The following PIK3C2G variants were observed in gnomAD, a reference collection of about 807,000 sequenced individuals.
PIK3C2G encodes phosphatidylinositol-4-phosphate 3-kinase catalytic subunit type 2 gamma.
PIK3C2G carries 168 observed loss-of-function variants against 181.1 expected under a neutral mutation model. The ratio of observed to expected loss-of-function variants is 0.93; its 90% CI spans 0.82 to 1.05. PIK3C2G has a LOEUF of 1.05. Ranked by LOEUF, PIK3C2G falls within the 50% of genes least tolerant of loss-of-function variation. The pLI is 0.00. For synonymous variants in PIK3C2G, 573 were observed against 592.2 expected (o/e 0.97, Z 0.47); for missense variants, 1,869 against 1,732.8 (o/e 1.08, Z -1.40).
the PIK3C2G span, among the ~76,000 whole-genome samples, chr12:18,681,132 A>G: frequency 6.6e-6 from 1 of 152,120 alleles, no homozygotes; most frequent in South Asian, 2.1e-4. Context: ...TTTATTGTTC[A>G]ACAAGGAAAC....
At chr12:18,395,783 T>A (rs1454336218) in intron 15 of PIK3C2G, among the ~76,000 whole-genome samples, 1 of 151,400 alleles carries the variant, frequency 6.6e-6, no homozygotes, top group Non-Finnish European at 1.5e-5. Context: ...TATGTAAGGA[T>A]GCATAATGTT....
chr12:18,264,893 T>A (rs947671278), intron 1 of PIK3C2G, among the ~76,000 whole-genome samples: 3 of 152,202 alleles, frequency 2.0e-5, no homozygotes, highest in Non-Finnish European at 4.4e-5. Context: ...TTCTCCTCTG[T>A]CTTACCAGAC....
intron 24 of PIK3C2G, among the ~76,000 whole-genome samples, chr12:18,528,657 T>TCTA (rs1473987709): frequency 6.6e-6 from 1 of 152,194 alleles, no homozygotes; most frequent in Admixed American, 6.5e-5. Context: ...GCAGACTAAT[T>TCTA]CTACTATCAC....
rs933182054 is a variant in PIK3C2G, at chr12:18,342,969, A to G, written c.1396-358A>G. 2.0e-5 allele frequency among the ~76,000 whole-genome samples: 3 copies of G among 152,220 alleles called. No individual in the cohort carries two copies. The East Asian group carries it at 5.8e-4, about 29-fold the overall frequency. On this transcript the variant is annotated intron_variant, in intron 9 of 32. Coordinates refer to ENST00000538779, the MANE Select transcript of PIK3C2G (RefSeq NM_001288772.2). ...TTTGGTGCTGTCCAAAGCTTGCTGA[A>G]TAACTGCTAGGAATAAGAGCTGGAC...
At chr12:18,710,195 T>C in the PIK3C2G span, among the ~76,000 whole-genome samples, 14 of 148,788 alleles carry the variant, frequency 9.4e-5, no homozygotes, top group Admixed American at 2.1e-4. Flanking sequence ...ATTTCTTGCT[T>C]TTTGGAATCT....
chr12:18,465,518 T>C (rs1937769701), intron 18 of PIK3C2G, among the ~76,000 whole-genome samples: 1 of 151,886 alleles, frequency 6.6e-6, no homozygotes, highest in African/African-American at 2.4e-5. Flanking sequence ...CCTTTTTATT[T>C]TCTAAAACAA....
chr12:18,687,825 A>C, the PIK3C2G span, among the ~76,000 whole-genome samples: 1 of 152,106 alleles, frequency 6.6e-6, no homozygotes. Flanking sequence ...ATGAGAGAAA[A>C]CATAAAAAAG....
At chr12:18,592,089 T>G (rs1947113418) in intron 29 of PIK3C2G, among the ~76,000 whole-genome samples, 1 of 151,858 alleles carries the variant, frequency 6.6e-6, no homozygotes, top group Admixed American at 6.6e-5. Flanking sequence ...TGTGGTTTGA[T>G]TTGTGCTTAG....
intron 15 of PIK3C2G, among the ~76,000 whole-genome samples, chr12:18,392,651 A>G (rs1943608354): frequency 6.6e-6 from 1 of 151,914 alleles, no homozygotes; most frequent in East Asian, 1.9e-4. Flanking sequence ...TCTCTATCAT[A>G]TTACCTTTTA....
the PIK3C2G span, among the ~76,000 whole-genome samples, chr12:18,676,158 G>T: frequency 6.6e-6 from 1 of 152,054 alleles, no homozygotes; most frequent in South Asian, 2.1e-4. Context: ...GCTAGAAAAT[G>T]GACCCAAAAC....
chr12:18,373,688 A>C, intron 13 of PIK3C2G, among the ~76,000 whole-genome samples: 1 of 152,022 alleles, frequency 6.6e-6, no homozygotes, highest in Non-Finnish European at 1.5e-5. Context: ...TATCTACTAA[A>C]AAAATACAAA....
At chr12:18,707,927 C>G in the PIK3C2G span, among the ~76,000 whole-genome samples, 17 of 152,072 alleles carry the variant, frequency 1.1e-4, no homozygotes, top group Admixed American at 3.3e-4. Context: ...ATGGAACACA[C>G]GTAGATAGTA....
Position 18,256,234 on chromosome 12 carries a change from G to T in PIK3C2G, c.-79+8152G>T, listed in dbSNP as rs1196973084. On this transcript the variant is annotated intron_variant, in intron 1 of 11. Transcript: ENST00000535651. Reference sequence around the variant, plus strand: ...TGGGAGATACTTTAAGTCAAACACAGATTGGCTTCTGCAGGTCAATGCAAT... The same window carrying T: ...TGGGAGATACTTTAAGTCAAACACATATTGGCTTCTGCAGGTCAATGCAAT... Among the ~76,000 whole-genome samples the T allele has an allele frequency of 2.0e-5, 3 of 151,930 alleles. 1 individual carries two copies. In the South Asian group the frequency reaches 6.2e-4, roughly 32 times the overall value.
chr12:18,405,625 G>C (rs763804386), intron 16 of PIK3C2G, among the ~76,000 whole-genome samples: 4 of 152,072 alleles, frequency 2.6e-5, no homozygotes, highest in African/African-American at 7.2e-5. Context: ...TGGTATCTTA[G>C]AACTCTTGAA....
At chr12:18,540,808 T>A (rs1944112187) in intron 25 of PIK3C2G, among the ~76,000 whole-genome samples, 1 of 151,804 alleles carries the variant, frequency 6.6e-6, no homozygotes, top group Non-Finnish European at 1.5e-5. Context: ...GAAATAGAGA[T>A]CAGAAGCAAT....
chr12:18,538,335 A>C (rs762302141), intron 25 of PIK3C2G, 23 bp downstream of exon 25: 151 of 1,573,038 alleles, frequency 9.6e-5, no homozygotes, highest in Non-Finnish European at 1.2e-4. Context: ...GGAAAAAAAA[A>C]CAAAAATAAT....
chr12:18,521,052 A>G (rs1942880824), intron 24 of PIK3C2G, among the ~76,000 whole-genome samples: 1 of 151,864 alleles, frequency 6.6e-6, no homozygotes, highest in Admixed American at 6.6e-5. Flanking sequence ...GGCTCTATTC[A>G]TCTGGTAACT....
chr12:18,295,352 T>C (rs1213474238), intron 5 of PIK3C2G, among the ~76,000 whole-genome samples: 1 of 151,980 alleles, frequency 6.6e-6, no homozygotes, highest in African/African-American at 2.4e-5. Flanking sequence ...AACTCATCTT[T>C]TGAATGTGTA....
chr12:18,652,700 T>C (rs993942363), downstream of PIK3C2G, among the ~76,000 whole-genome samples: 5 of 152,142 alleles, frequency 3.3e-5, no homozygotes, highest in Non-Finnish European at 7.3e-5. Context: ...AAGGTCCCAG[T>C]CTTCACTCAC....
Sources: allele counts gnomAD v4.1 joint callset (sites outside exome capture counted in the v4.1 genomes callset), GRCh38; gene constraint gnomAD v4.1.1; transcripts MANE v1.5; gene names NCBI Gene and HGNC (gene_info 2026-07-23, HGNC 2026-07-21).